Variants in APOL6 observed in about 807,000 individuals in gnomAD.
APOL6 encodes apolipoprotein L, 6.
Under a neutral mutation model 2.4 loss-of-function variants are expected in APOL6, and 1 was observed. That is an observed-to-expected ratio of 0.41 (90% CI 0.15 to 1.94). The LOEUF is 1.94. APOL6 is among the 30% of genes most tolerant of loss of function. The probability of loss-of-function intolerance (pLI) is 0.30; values close to 1 mark genes in which losing one functional copy is unlikely to be tolerated. For missense variants in APOL6, 438 were observed against 429.2 expected, an observed-to-expected ratio of 1.02 and a Z score of -0.18; for synonymous variants, 189 against 169.3, an observed-to-expected ratio of 1.12 and a Z score of -0.90.
At position 35,663,659 on chromosome 22, in the gene APOL6, GA is replaced by G. The variant is rs1221333883; in HGVS notation, c.*4068del. On this transcript the variant is annotated 3_prime_UTR_variant, in exon 3 of 3. Coordinates refer to ENST00000409652, the MANE Select transcript of APOL6 (RefSeq NM_030641.4). ...CGTTTTATGTTTAATATCGCTCAAA[GA>G]AAAATAAAAGCATCTCCCTCTAACA... is the stretch of plus-strand genomic sequence containing the variant. 1 of 151,878 alleles carries G rather than the reference GA, an allele frequency of 6.6e-6. No individual in the cohort carries two copies. The highest frequency in any genetic ancestry group is 2.4e-5 in the African/African-American group (1 of 41,368). The allele number at this position is 151,878 out of a possible 1,614,324, so 9.4% of individuals were successfully genotyped here.
Position 35,659,578 on chromosome 22 carries a change from G to C in APOL6, c.1014G>C (p.Val338=), listed in dbSNP as rs755784194. 1 of 1,608,870 alleles carries C rather than the reference G, an allele frequency of 6.2e-7. No individual in the cohort carries two copies. Among genetic ancestry groups the C allele is most frequent in the South Asian group, 1.1e-5 (1 of 90,428 alleles). ...LWLCVCLCVC[V]YVQFT ...TGTGTGTGTGTCTGTGTGTCTGTGT[G>C]TATGTACAGTTTACATGAATGTTCC... Residue 338 remains valine (V), a synonymous_variant, in exon 3 of 3, where the codon GTG becomes GTC. Transcript: ENST00000409652.
At chr22:35,655,054 C>T (rs953701890) in intron 1 of APOL6, among the ~76,000 whole-genome samples, 13 of 152,118 alleles carry the variant, frequency 8.5e-5, no homozygotes, top group African/African-American at 2.4e-4. Flanking sequence ...ATTTGGTGGC[C>T]CTCAAGATGC....
intron 2 of APOL6, 148 bp downstream of exon 2, chr22:35,656,623 A>C (rs1924852577): frequency 3.3e-6 from 3 of 915,000 alleles, no homozygotes; most frequent in Admixed American, 2.4e-5. Flanking sequence ...GCATATGAAA[A>C]TCTGTTCCCC....
At position 35,661,062 on chromosome 22, in the gene APOL6, G is replaced by C. The variant is rs1434761106; in HGVS notation, c.*1466G>C. On this transcript the variant is annotated 3_prime_UTR_variant, in exon 3 of 3. Transcript: ENST00000409652. ...TGACACAGGCTGTGGGAGGGGGTAG[G>C]GGGAGGAAGTCTGTGGTGAGCAAAG... 1 of 152,156 alleles carries C rather than the reference G, an allele frequency of 6.6e-6. No homozygotes were observed. The highest frequency in any genetic ancestry group is 1.5e-5 in the Non-Finnish European group (1 of 68,036). 9.4% of individuals were successfully genotyped at this position (152,156 alleles called of 1,614,324 possible).
At chr22:35,653,884 T>C (rs28555216) in intron 1 of APOL6, among the ~76,000 whole-genome samples, 1,540 of 152,228 alleles carry the variant, frequency 0.01, 25 homozygotes, top group African/African-American at 0.035. Flanking sequence ...CAGACACCAG[T>C]TGTAAGTGGT....
In APOL6 at chr22:35,663,357, T is replaced by A. The variant is rs753570650; in HGVS notation, c.*3761T>A. On this transcript the variant is annotated 3_prime_UTR_variant, in exon 3 of 3. Coordinates refer to ENST00000409652, the MANE Select transcript of APOL6 (RefSeq NM_030641.4). ...AGATTTGGTAATAAGATTTTTTTTT[T>A]AAGTTTTTAAAGAAGCTCAGTGGTT... 4.6e-5 allele frequency: 7 copies of A among 152,098 alleles called. No individual in the cohort carries two copies. The highest frequency in any genetic ancestry group is 1.3e-4 in the Admixed American group (2 of 15,256). 9.4% of individuals were successfully genotyped at this position (152,098 alleles called of 1,614,324 possible). A position where few individuals can be genotyped will look rare whatever the true frequency, so the allele number is the denominator to read the frequency against.
intron 1 of APOL6, among the ~76,000 whole-genome samples, chr22:35,650,588 C>A (rs555451539): frequency 5.3e-5 from 8 of 151,146 alleles, no homozygotes; most frequent in Admixed American, 3.3e-4. Flanking sequence ...GTATTCATGG[C>A]TATAAGTGAA....
chr22:35,651,924 G>T (rs1250319854), intron 1 of APOL6, among the ~76,000 whole-genome samples: 1 of 152,180 alleles, frequency 6.6e-6, no homozygotes, highest in Non-Finnish European at 1.5e-5. Context: ...GTAATGGGAT[G>T]GCTGGGTCAA....
intron 1 of APOL6, among the ~76,000 whole-genome samples, chr22:35,650,930 CA>C (rs202235953): frequency 0.11 from 15,408 of 136,056 alleles, 1,347 homozygotes; most frequent in African/African-American, 0.25. Flanking sequence ...AATTCAGTCT[CA>C]AAAAAAAAAA....
Position 35,658,794 on chromosome 22 carries a change from C to T in APOL6, c.230C>T (p.Ala77Val). ...IDKTHKKFTK[A>V]NMVATSTAVI... is the part of the protein sequence containing the mutation. ...AAAACCCACAAGAAATTCACCAAGG[C>T]TAACATGGTGGCCACCTCTACTGCT... Residue 77 changes from alanine (A) to valine (V), a missense_variant, in exon 3 of 3, where the codon GCT (alanine) becomes GTT (valine). Physicochemically the swap from Ala to Val is moderately conservative, Grantham distance 64. Transcript: ENST00000409652. The T allele has an allele frequency of 6.2e-7, 1 of 1,614,186 alleles. No homozygotes were observed. Among genetic ancestry groups the T allele is most frequent in the East Asian group, 2.2e-5 (1 of 44,876 alleles).
rs1293576895 is a variant in APOL6 at position 35,667,374 on chromosome 22, G to A, written c.*7778G>A. 1 of 152,204 alleles carries A rather than the reference G, an allele frequency of 6.6e-6. No individual in the cohort carries two copies. The highest frequency in any genetic ancestry group is 1.5e-5 in the Non-Finnish European group (1 of 68,040). 9.4% of individuals were successfully genotyped at this position (152,204 alleles called of 1,614,324 possible). A position where few individuals can be genotyped will look rare whatever the true frequency, so the allele number is the denominator to read the frequency against. On this transcript the variant is annotated 3_prime_UTR_variant, in exon 3 of 3. Transcript: ENST00000409652. ...AGATTCAAAGCCAGAGTTGCTGTCA[G>A]TTCATTGGTAGAGATGCCATCACTG...
chr22:35,657,366 G>T (rs1924873769), intron 2 of APOL6, among the ~76,000 whole-genome samples: 1 of 152,084 alleles, frequency 6.6e-6, no homozygotes, highest in Admixed American at 6.6e-5. Flanking sequence ...ATAGATAATT[G>T]TGCCTAAATT....
chr22:35,652,235 T>A (rs529105451), intron 1 of APOL6, among the ~76,000 whole-genome samples: 1 of 147,988 alleles, frequency 6.8e-6, no homozygotes, highest in African/African-American at 2.5e-5. Flanking sequence ...GCCCACTTTT[T>A]GATGGAGTTG....
At chr22:35,649,811 A>G (rs1295877621) in intron 1 of APOL6, among the ~76,000 whole-genome samples, 3 of 152,190 alleles carry the variant, frequency 2.0e-5, no homozygotes, top group Non-Finnish European at 2.9e-5. Flanking sequence ...TCTTACCCCC[A>G]GCAACCTTGT....
Position 35,658,927 on chromosome 22 carries a change from G to T in APOL6, c.363G>T (p.Gly121=), listed in dbSNP as rs1160510299. 1 of 1,613,932 alleles carries T rather than the reference G, an allele frequency of 6.2e-7. No individual in the cohort carries two copies. Among genetic ancestry groups the T allele is most frequent in the South Asian group, 1.1e-5 (1 of 91,078 alleles). ...TAGQGLATAA[G]VTSIVSGTLE... ...GTCAAGGTTTGGCAACAGCAGCTGG[G>T]GTCACCAGCATCGTGAGTGGTACGT... Residue 121 remains glycine (G), a synonymous_variant, in exon 3 of 3, where the codon GGG becomes GGT. Coordinates refer to ENST00000409652, the MANE Select transcript of APOL6 (RefSeq NM_030641.4).
rs1416290618 is a variant in APOL6 at position 35,666,495 on chromosome 22, G to C, written c.*6899G>C. 6.6e-6 allele frequency: 1 copy of C among 152,144 alleles called. No individual in the cohort carries two copies. The highest frequency in any genetic ancestry group is 2.4e-5 in the African/African-American group (1 of 41,398). 9.4% of individuals were successfully genotyped at this position (152,144 alleles called of 1,614,324 possible). A position where few individuals can be genotyped will look rare whatever the true frequency, so the allele number is the denominator to read the frequency against. ...TCACCATGTTGGCCAGGCTGGTCTT[G>C]AACTCCTGACCTCAGGTGATCAGCC... On this transcript the variant is annotated 3_prime_UTR_variant, in exon 3 of 3. Transcript: ENST00000409652.
chr22:35,651,071 TC>T (rs1193207961), intron 1 of APOL6, among the ~76,000 whole-genome samples: 1 of 152,052 alleles, frequency 6.6e-6, no homozygotes, highest in Non-Finnish European at 1.5e-5. Flanking sequence ...AGAAGCTATA[TC>T]TAGGAAACAG....
At position 35,658,902 on chromosome 22, in the gene APOL6, G is replaced by C. The variant is rs1446997257; in HGVS notation, c.338G>C (p.Gly113Ala). The C allele has an allele frequency of 6.2e-7, 1 of 1,613,926 alleles. No homozygotes were observed. The highest frequency in any genetic ancestry group is 8.5e-7 in the Non-Finnish European group (1 of 1,180,036). ...GGAAGCCTGCTGCTCTCCACCGCTG[G>C]TCAAGGTTTGGCAACAGCAGCTGGG... is the stretch of plus-strand genomic sequence containing the variant. ...GGGSLLLSTA[G>A]QGLATAAGVT... The change falls in exon 3 of 3, where the codon GGT (glycine) becomes GCT (alanine). Residue 113 changes from glycine to alanine, a missense_variant. Coordinates refer to ENST00000409652, the MANE Select transcript of APOL6 (RefSeq NM_030641.4).
chr22:35,656,222 C>T (rs1029514572), intron 1 of APOL6, among the ~76,000 whole-genome samples, 157 bp from the exon 2 acceptor site: 3 of 152,198 alleles, frequency 2.0e-5, no homozygotes, highest in Non-Finnish European at 4.4e-5. Context: ...ATGTAAGCTA[C>T]ACCTCAACAT....
Sources: gnomAD v4.1 joint callset for allele counts (sites outside exome capture counted in the v4.1 genomes callset) on GRCh38, gnomAD v4.1.1 for gene constraint, MANE v1.5 for transcripts, NCBI Gene and HGNC (gene_info 2026-07-23, HGNC 2026-07-21) for gene names.